The following MDM2 variants were observed in gnomAD, a reference collection of about 807,000 sequenced individuals.
MDM2 encodes the protein MDM2 proto-oncogene.
In MDM2, 11 loss-of-function variants were observed where a neutral mutation model predicts 64.3. The ratio of observed to expected loss-of-function variants is 0.17; its 90% CI spans 0.11 to 0.28. MDM2 has a LOEUF of 0.28. Ranked by LOEUF, MDM2 falls within the 10% of genes least tolerant of loss-of-function variation. MDM2 has a pLI of 1.00. For synonymous variants in MDM2, 194 were observed against 192.9 expected, an observed-to-expected ratio of 1.01 and a Z score of -0.05; for missense variants, 388 against 577.1, an observed-to-expected ratio of 0.67 and a Z score of 3.36.
At chr12:68,829,006 G>GT (rs1882579905) in intron 8 of MDM2, 75 bp downstream of exon 8, 1 of 1,405,960 alleles carries the variant, frequency 7.1e-7, no homozygotes, top group Non-Finnish European at 9.9e-7. Flanking sequence ...ATAAGGATAC[G>GT]GATAGAATGT....
chr12:68,810,774 T>C (rs1880816913), intron 2 of MDM2, among the ~76,000 whole-genome samples: 1 of 149,042 alleles, frequency 6.7e-6, no homozygotes, highest in South Asian at 2.2e-4. Flanking sequence ...TTTATTATTA[T>C]TACTATTTTT....
At chr12:68,824,264 G>A (rs1882110540) in intron 5 of MDM2, 99 bp from the exon 6 acceptor site, 3 of 750,406 alleles carry the variant, frequency 4.0e-6, no homozygotes, top group East Asian at 2.7e-5. Context: ...AGGTTAAATT[G>A]CATAAGGGTT....
intron 8 of MDM2, among the ~76,000 whole-genome samples, chr12:68,835,248 A>G (rs1024549395): frequency 6.6e-6 from 1 of 152,224 alleles, no homozygotes; most frequent in Admixed American, 6.5e-5. Flanking sequence ...ACAAGTAGTA[A>G]GGATAATTAA....
intron 2 of MDM2, among the ~76,000 whole-genome samples, chr12:68,810,673 G>A (rs1880804258): frequency 6.6e-6 from 1 of 152,046 alleles, no homozygotes; most frequent in Admixed American, 6.6e-5. Context: ...ATGTTAGCCA[G>A]GATGATCTTG....
Position 68,841,914 on chromosome 12 carries a change from G to A in MDM2, c.*2065G>A, listed in dbSNP as rs1373911404. ...GTGTTTGGTCAGTGGAGGCCCATCC[G>A]AGCTCAGCACTGAGAAGTGTTAGTT... On this transcript the variant is annotated 3_prime_UTR_variant, in exon 11 of 11. Transcript: ENST00000258149. 2.4e-5 allele frequency: 6 copies of A among 246,658 alleles called. No individual in the cohort carries two copies. Among genetic ancestry groups the A allele is most frequent in the Non-Finnish European group, 4.1e-5 (5 of 122,794 alleles). The allele number at this position is 246,658 out of a possible 1,614,324, so 15.3% of individuals were successfully genotyped here. A position where few individuals can be genotyped will look rare whatever the true frequency, so the allele number is the denominator to read the frequency against.
intron 10 of MDM2, among the ~76,000 whole-genome samples, chr12:68,838,394 G>A (rs933739840): frequency 2.0e-5 from 3 of 152,180 alleles, no homozygotes; most frequent in Admixed American, 6.5e-5. Flanking sequence ...GGAAAAGGAA[G>A]AAGCATTGAG....
chr12:68,820,424 G>T (rs1881749045), intron 5 of MDM2, 50 bp downstream of exon 5: 1 of 1,424,348 alleles, frequency 7.0e-7, no homozygotes, highest in South Asian at 1.2e-5. Flanking sequence ...ACGTTTTAAA[G>T]ACATTTTTGT....
At position 68,809,300 on chromosome 12, in the gene MDM2, T is replaced by C. The variant is rs772616582; in HGVS notation, c.99+8T>C. 1 of 1,612,274 alleles carries C rather than the reference T, an allele frequency of 6.2e-7. No individual in the cohort carries two copies. Among genetic ancestry groups the C allele is most frequent in the East Asian group, 2.2e-5 (1 of 44,862 alleles). ...TCGGAACAAGAGACCCTGGTTAGTA[T>C]TTTTGTCTCGTGTAACTTTTAAGAA... On this transcript the variant is annotated splice_region_variant and intron_variant, in intron 2 of 10. Coordinates refer to ENST00000258149, the MANE Select transcript of MDM2 (RefSeq NM_002392.6).
chr12:68,826,446 C>G (rs924578092), intron 7 of MDM2, among the ~76,000 whole-genome samples: 11 of 151,750 alleles, frequency 7.2e-5, no homozygotes, highest in African/African-American at 2.4e-4. Flanking sequence ...GTTAAGAGTT[C>G]GAGACCAACC....
intron 5 of MDM2, among the ~76,000 whole-genome samples, chr12:68,820,999 T>C (rs991177686): frequency 2.0e-5 from 3 of 151,934 alleles, no homozygotes; most frequent in African/African-American, 7.2e-5. Flanking sequence ...ATACTCTCAT[T>C]TGAAGGCTAA....
Position 68,820,364 on chromosome 12 carries a change from C to A in MDM2, c.348C>A (p.Val116=), listed in dbSNP as rs2136129015. 1 of 1,603,430 alleles carries A rather than the reference C, an allele frequency of 6.2e-7. No individual in the cohort carries two copies. The highest frequency in any genetic ancestry group is 1.1e-5 in the South Asian group (1 of 88,858). The change falls in exon 5 of 11, where the codon GTC becomes GTA. Residue 116 remains valine (V), a synonymous_variant. Transcript: ENST00000258149. ...YTMIYRNLVV[V]NQQESSDSGT... is the part of the protein sequence containing the mutation. ...TGATCTACAGGAACTTGGTAGTAGT[C>A]AATCAGCAGGGTAAGTTAATTTTGA...
intron 10 of MDM2, among the ~76,000 whole-genome samples, chr12:68,837,376 T>A (rs976358249): frequency 2.0e-5 from 3 of 151,694 alleles, no homozygotes; most frequent in Admixed American, 1.3e-4. Flanking sequence ...TTTTTTTCAA[T>A]TGAGATAGGG....
At chr12:68,826,657 A>G (rs1342068113) in intron 7 of MDM2, among the ~76,000 whole-genome samples, 4 of 151,456 alleles carry the variant, frequency 2.6e-5, no homozygotes, top group Non-Finnish European at 4.4e-5. Context: ...TTAAAAAAAA[A>G]AAAAAAAGAA....
intron 8 of MDM2, among the ~76,000 whole-genome samples, chr12:68,831,473 G>A (rs565171100): frequency 2.2e-4 from 33 of 152,144 alleles, no homozygotes; most frequent in Non-Finnish European, 2.8e-4. Context: ...TTACACACGG[G>A]GTTATGTGGG....
At chr12:68,830,225 A>G (rs1882684961) in intron 8 of MDM2, among the ~76,000 whole-genome samples, 1 of 152,178 alleles carries the variant, frequency 6.6e-6, no homozygotes, top group Non-Finnish European at 1.5e-5. Context: ...ATTAGTAATC[A>G]TTGTATAGTA....
At chr12:68,821,885 T>C (rs1881886297) in intron 5 of MDM2, among the ~76,000 whole-genome samples, 1 of 152,182 alleles carries the variant, frequency 6.6e-6, no homozygotes, top group Non-Finnish European at 1.5e-5. Context: ...TGAGATGGGC[T>C]CTCACTCTGT....
intron 8 of MDM2, among the ~76,000 whole-genome samples, chr12:68,834,926 T>G (rs1412955513): frequency 6.6e-6 from 1 of 152,168 alleles, no homozygotes; most frequent in African/African-American, 2.4e-5. Context: ...TCTTATACAA[T>G]TTATTGAAGT....
intron 7 of MDM2, among the ~76,000 whole-genome samples, chr12:68,825,609 C>T (rs1157005497): frequency 1.3e-5 from 2 of 152,182 alleles, no homozygotes; most frequent in Non-Finnish European, 2.9e-5. Flanking sequence ...GCCGAGATCA[C>T]GCCACTGCAC....
chr12:68,843,777 T>C lies in MDM2; in HGVS notation c.*3928T>C, dbSNP rs1884020215. ...TTACCTGTGGAGGTCCTCCAAGCAT[T>C]ATTTGGAGTTGATAATACTTCAGCT... On this transcript the variant is annotated 3_prime_UTR_variant, in exon 11 of 11. Coordinates refer to ENST00000258149, the MANE Select transcript of MDM2 (RefSeq NM_002392.6). The C allele has an allele frequency of 4.5e-6, 1 of 222,742 alleles. No individual in the cohort carries two copies. Among genetic ancestry groups the C allele is most frequent in the South Asian group, 1.8e-4 (1 of 5,450 alleles). 13.8% of individuals were successfully genotyped at this position (222,742 alleles called of 1,614,324 possible).
Sources: gnomAD v4.1 joint callset for allele counts (sites outside exome capture counted in the v4.1 genomes callset) on GRCh38, gnomAD v4.1.1 for gene constraint, MANE v1.5 for transcripts, NCBI Gene and HGNC (gene_info 2026-07-23, HGNC 2026-07-21) for gene names.